CNOT4: variants seen among roughly 807,000 people sequenced by gnomAD.
CNOT4 encodes CCR4-associated factor 4.
A neutral mutation model predicts 73.8 loss-of-function variants in CNOT4; 8 were observed. The ratio of observed to expected loss-of-function variants is 0.11; its 90% confidence interval spans 0.06 to 0.20. The LOEUF (loss-of-function observed/expected upper bound fraction) is 0.20. Among genes scored for constraint, CNOT4 ranks in the 10% least tolerant of loss-of-function variants. CNOT4 has a pLI of 1.00. For missense variants in CNOT4, 564 were observed against 883.4 expected (o/e 0.64, Z 4.58); for synonymous variants, 293 against 321.1 (o/e 0.91, Z 0.94).
chr7:135,386,944 A>G, intron 10 of CNOT4: 1 of 319,302 alleles, frequency 3.1e-6, no homozygotes, highest in Non-Finnish European at 4.5e-6. Context: ...TGGCTTTGTA[A>G]GAAGATCCAG....
At chr7:135,483,036 T>C (rs1292939675) in intron 1 of CNOT4, among the ~76,000 whole-genome samples, 1 of 139,478 alleles carries the variant, frequency 7.2e-6, no homozygotes, top group African/African-American at 2.7e-5. Flanking sequence ...GAACAAAATA[T>C]TAGCAAATAA....
chr7:135,441,994 G>A (rs1433981672), intron 1 of CNOT4, among the ~76,000 whole-genome samples: 16 of 152,200 alleles, frequency 1.1e-4, no homozygotes, highest in African/African-American at 3.9e-4. Flanking sequence ...AAGGTAGGAG[G>A]AGGGTAGTCT....
At chr7:135,401,579 T>C (rs1294269680) in intron 7 of CNOT4, among the ~76,000 whole-genome samples, 1 of 151,978 alleles carries the variant, frequency 6.6e-6, no homozygotes, top group African/African-American at 2.4e-5. Flanking sequence ...ATGGGAGAGA[T>C]TTTTTTTAAA....
At chr7:135,391,558 A>G (rs916062163) in intron 10 of CNOT4, among the ~76,000 whole-genome samples, 4 of 152,058 alleles carry the variant, frequency 2.6e-5, no homozygotes, top group African/African-American at 9.7e-5. Flanking sequence ...TTAATGCTCT[A>G]TGGTTGAGTA....
chr7:135,407,954 CAAAT>C (rs1488222693), intron 7 of CNOT4, among the ~76,000 whole-genome samples: 1 of 152,088 alleles, frequency 6.6e-6, no homozygotes, highest in Non-Finnish European at 1.5e-5. Flanking sequence ...TTTAAACACA[CAAAT>C]AAAACATGGG....
intron 1 of CNOT4, 124 bp from the exon 2 acceptor site, chr7:135,438,547 A>G (rs1238332482): frequency 2.7e-6 from 1 of 376,422 alleles, no homozygotes. Context: ...TCAACCTGAA[A>G]TGGCTTTCAG....
intron 7 of CNOT4, among the ~76,000 whole-genome samples, chr7:135,399,275 A>AGAT (rs1212658835): frequency 6.6e-6 from 1 of 152,118 alleles, no homozygotes; most frequent in East Asian, 1.9e-4. Flanking sequence ...ACATAAACCT[A>AGAT]GATGGCATGG....
At chr7:135,484,254 A>C (rs1352700169) in intron 1 of CNOT4, among the ~76,000 whole-genome samples, 1 of 152,110 alleles carries the variant, frequency 6.6e-6, no homozygotes, top group East Asian at 1.9e-4. Flanking sequence ...CCTAACTTCA[A>C]GTATAAAACA....
At chr7:135,373,008 A>G (rs554917151) in intron 10 of CNOT4, among the ~76,000 whole-genome samples, 2 of 152,238 alleles carry the variant, frequency 1.3e-5, no homozygotes, top group Non-Finnish European at 2.9e-5. Flanking sequence ...ATAAATCTAT[A>G]AAGAAAAGAA....
chr7:135,458,362 G>C (rs1353957149), intron 1 of CNOT4, among the ~76,000 whole-genome samples: 1 of 152,002 alleles, frequency 6.6e-6, no homozygotes. Flanking sequence ...GCTGGTGGAG[G>C]GTCTTGCCTT....
intron 2 of CNOT4, among the ~76,000 whole-genome samples, chr7:135,431,486 G>C (rs115882220): frequency 0.016 from 2,390 of 152,306 alleles, 68 homozygotes; most frequent in African/African-American, 0.054. Context: ...GCTCACGCTT[G>C]TAATCCTGAC....
chr7:135,506,607 T>C (rs909487727), intron 1 of CNOT4, among the ~76,000 whole-genome samples: 1 of 152,124 alleles, frequency 6.6e-6, no homozygotes, highest in African/African-American at 2.4e-5. Context: ...CCCAACCCTT[T>C]GGGAGGCCAA....
chr7:135,376,097 C>A (rs1448813597), intron 10 of CNOT4, among the ~76,000 whole-genome samples: 1 of 150,612 alleles, frequency 6.6e-6, no homozygotes, highest in African/African-American at 2.4e-5. Flanking sequence ...AAAATCTTAA[C>A]AATGAACACC....
At chr7:135,411,365 G>A (rs1301295865) in intron 6 of CNOT4, among the ~76,000 whole-genome samples, 1 of 152,030 alleles carries the variant, frequency 6.6e-6, no homozygotes, top group African/African-American at 2.4e-5. Flanking sequence ...GCAGGATGTA[G>A]TAGTGCAACA....
chr7:135,436,382 A>C (rs187018530), intron 2 of CNOT4, among the ~76,000 whole-genome samples: 38 of 152,066 alleles, frequency 2.5e-4, no homozygotes, highest in African/African-American at 7.5e-4. Context: ...AAAGATAAAC[A>C]TCATGAAGCC....
chr7:135,426,781 G>A (rs1798529727), intron 2 of CNOT4, among the ~76,000 whole-genome samples: 1 of 151,880 alleles, frequency 6.6e-6, no homozygotes, highest in African/African-American at 2.4e-5. Context: ...AAATGAGCCA[G>A]GCGTGATGGC....
chr7:135,478,421 A>T (rs1164607528), intron 1 of CNOT4, among the ~76,000 whole-genome samples: 1 of 152,206 alleles, frequency 6.6e-6, no homozygotes. Flanking sequence ...CCCTTAGCTT[A>T]CAAGTTGAAC....
chr7:135,481,658 C>T (rs1245333699), intron 1 of CNOT4, among the ~76,000 whole-genome samples: 1 of 152,164 alleles, frequency 6.6e-6, no homozygotes, highest in East Asian at 1.9e-4. Context: ...TTTATTGCAG[C>T]ACTATTCACA....
At chr7:135,395,511 A>G (rs1796627903) in intron 9 of CNOT4, 123 bp downstream of exon 9, 3 of 1,121,738 alleles carry the variant, frequency 2.7e-6, no homozygotes, top group African/African-American at 1.6e-5. Flanking sequence ...AAATATTTGC[A>G]TTTTTATTAA....
Sources: allele counts gnomAD v4.1 joint callset (sites outside exome capture counted in the v4.1 genomes callset), GRCh38; gene constraint gnomAD v4.1.1; transcripts MANE v1.5; gene names NCBI Gene and HGNC (gene_info 2026-07-23, HGNC 2026-07-21).